The following VPS9D1 variants were observed in gnomAD, a reference collection of about 807,000 sequenced individuals.
The protein encoded by VPS9D1 is VPS9 domain-containing protein 1.
In VPS9D1, 78 loss-of-function variants were observed where a neutral mutation model predicts 75.8. The ratio of observed to expected loss-of-function variants is 1.03; its 90% confidence interval spans 0.86 to 1.24. VPS9D1 has a LOEUF of 1.24. Ranked by LOEUF, VPS9D1 falls within the 50% of genes most tolerant of loss-of-function variation. VPS9D1 has a pLI of 0.00. For missense variants in VPS9D1, 1,057 were observed against 847.7 expected, an observed-to-expected ratio of 1.25 and a Z score of -3.07; for synonymous variants, 481 against 385.6, an observed-to-expected ratio of 1.25 and a Z score of -2.90.
Position 89,710,598 on chromosome 16 carries a change from G to GGATCTCCT in VPS9D1, c.1238_1245dup (p.His416ArgfsTer7). 2.5e-6 allele frequency: 4 copies of GGATCTCCT among 1,598,518 alleles called. No individual in the cohort carries two copies. The highest frequency in any genetic ancestry group is 3.4e-6 in the Non-Finnish European group (4 of 1,168,450). ...GGCCTGGCCTCACCTACGGCATTGT[G>GGATCTCCT]GATCTCCTCCACCGCGGTCTTCAGC... On this transcript the variant is annotated frameshift_variant, in exon 10 of 15. Transcript: ENST00000389386. LOFTEE classifies it high-confidence loss of function.
At chr16:89,709,046 T>G in intron 12 of VPS9D1, 90 bp from the exon 13 acceptor site, 1 of 385,660 alleles carries the variant, frequency 2.6e-6, no homozygotes, top group East Asian at 4.8e-4. Flanking sequence ...CACCTCCTGA[T>G]GTGCACGGCT....
rs566603791 is a variant in VPS9D1 at position 89,711,183 on chromosome 16, C to T, written c.833+144G>A. On this transcript the variant is annotated intron_variant, in intron 9 of 14. Coordinates refer to ENST00000389386, the MANE Select transcript of VPS9D1 (RefSeq NM_004913.3). Reference sequence around the variant, plus strand: ...GAGGTTGGAGAAGCCGAGGAAACGCCCTCAGCGCAAAGGGAGCTGCAGTGT... The same window carrying T: ...GAGGTTGGAGAAGCCGAGGAAACGCTCTCAGCGCAAAGGGAGCTGCAGTGT... The T allele has an allele frequency of 7.8e-6, 9 of 1,155,602 alleles. No individual in the cohort carries two copies. The African/African-American group carries it at 1.1e-4, about 14-fold the overall frequency. 71.6% of individuals were successfully genotyped at this position (1,155,602 alleles called of 1,614,324 possible). A position where few individuals can be genotyped will look rare whatever the true frequency, so the allele number is the denominator to read the frequency against.
rs776055403 is a variant in VPS9D1, at chr16:89,712,519, G to A, written c.547C>T (p.Leu183Phe). ...SQAMQKTSLTLSLQRQMMENL... is the reference protein window; with the variant it reads ...SQAMQKTSLTFSLQRQMMENL... ...TCCATCATCTGCCGCTGTAGAGAGA[G>A]GGTCTGGGGGGGGAGGAGGGAGTAA... Residue 183 changes from leucine to phenylalanine, a missense_variant, in exon 6 of 15, where the codon CTC becomes TTC. By Grantham distance (22) the Leu-to-Phe change is conservative. Transcript: ENST00000389386. 3 of 1,612,140 alleles carry A rather than the reference G, an allele frequency of 1.9e-6. No homozygotes were observed. Among genetic ancestry groups the A allele is most frequent in the African/African-American group, 1.3e-5 (1 of 74,418 alleles).
intron 9 of VPS9D1, 132 bp downstream of exon 9, chr16:89,711,195 G>A: frequency 1.7e-6 from 2 of 1,177,008 alleles, no homozygotes; most frequent in South Asian, 1.5e-5. Flanking sequence ...TCAGCGCAAA[G>A]GGAGCTGCAG....
chr16:89,712,087 T>C lies in VPS9D1; in HGVS notation c.619A>G (p.Met207Val), dbSNP rs559390809. Residue 207 changes from methionine (M) to valine (V), a missense_variant, in exon 7 of 15, where the codon ATG (methionine) becomes GTG (valine). Transcript: ENST00000389386. ...TGGAGCCGCAGCCGGCGCTCCTCCA[T>C]CTTTCTCTGGAGCTGGGTGCAGAGT... is the stretch of plus-strand genomic sequence containing the variant. ...KAREETLQRKMEERRLRLQEA... is the reference protein window; with the variant it reads ...KAREETLQRKVEERRLRLQEA... 2.6e-6 allele frequency: 4 copies of C among 1,548,344 alleles called. No individual in the cohort carries two copies. In the East Asian group the frequency reaches 9.8e-5, roughly 38 times the overall value.
At chr16:89,711,119 C>T in intron 9 of VPS9D1, 109 bp from the exon 10 acceptor site, 1 of 1,274,506 alleles carries the variant, frequency 7.8e-7, no homozygotes, top group Non-Finnish European at 1.0e-6. Context: ...TACCTCCTGA[C>T]AGTGAATGTT....
chr16:89,715,714 T>C (rs1014193562), intron 4 of VPS9D1, among the ~76,000 whole-genome samples: 1 of 150,938 alleles, frequency 6.6e-6, no homozygotes, highest in Non-Finnish European at 1.5e-5. Flanking sequence ...TCACTCTTGT[T>C]GCCCAGGCTG....
intron 4 of VPS9D1, among the ~76,000 whole-genome samples, chr16:89,714,086 GACAC>G (rs112988748): frequency 0.034 from 5,159 of 152,092 alleles, 283 homozygotes; most frequent in African/African-American, 0.12. Context: ...ACAGGCATGT[GACAC>G]CACGCCCAGC....
chr16:89,714,952 C>G (rs570693081), intron 4 of VPS9D1, among the ~76,000 whole-genome samples: 60 of 152,150 alleles, frequency 3.9e-4, no homozygotes, highest in Admixed American at 2.0e-3. Flanking sequence ...CCAGGCTGGT[C>G]TTGAACTCCT....
rs1473950109 is a variant in VPS9D1, at chr16:89,716,700, C to T, written c.268+30G>A. 2.5e-6 allele frequency: 4 copies of T among 1,593,402 alleles called. No homozygotes were observed. In the South Asian group the frequency reaches 3.3e-5, roughly 13 times the overall value. ...GGAGATGCGGGCTTGGGGGATGCCC[C>T]AGGAGAGCCGCCTACTGCAGGAGAC... is the stretch of plus-strand genomic sequence containing the variant. On this transcript the variant is annotated intron_variant, in intron 3 of 14. Transcript: ENST00000389386.
chr16:89,717,527 C>T (rs746091163), intron 2 of VPS9D1: 17 of 455,192 alleles, frequency 3.7e-5, no homozygotes, highest in Admixed American at 1.4e-4. Flanking sequence ...CTCTGTGACT[C>T]GCCCCTGGAC....
rs374168803 is a variant in VPS9D1 at position 89,712,441 on chromosome 16, G to A, written c.606+19C>T. 5 of 1,612,312 alleles carry A rather than the reference G, an allele frequency of 3.1e-6. No homozygotes were observed. The African/African-American group carries it at 6.7e-5, about 22-fold the overall frequency. On this transcript the variant is annotated intron_variant, in intron 6 of 14. Coordinates refer to ENST00000389386, the MANE Select transcript of VPS9D1 (RefSeq NM_004913.3). ...CTGAGTTTCCCCTCGGGGACCACCAGGGCGGTCAGAAAGGCTGCTGTCTCC... is the reference window on the plus strand; with the variant it reads ...CTGAGTTTCCCCTCGGGGACCACCAAGGCGGTCAGAAAGGCTGCTGTCTCC...
rs187086089 is a variant in VPS9D1, at chr16:89,709,431, C to G, written c.1393G>C (p.Val465Leu). The change falls in exon 12 of 15, where the codon GTG becomes CTG. Residue 465 changes from valine (V) to leucine (L), a missense_variant. By Grantham distance (32) the Val-to-Leu change is conservative. Coordinates refer to ENST00000389386, the MANE Select transcript of VPS9D1 (RefSeq NM_004913.3). ...AGGGCAGCCTCCCGGGCTCGGTGCA[C>G]GCTCCTGGGGCAGAGAGAGGCCAGG... ...WPLLLALYRS[V>L]HRAREAALSR... 6.6e-7 allele frequency: 1 copy of G among 1,512,654 alleles called. No homozygotes were observed. The highest frequency in any genetic ancestry group is 8.8e-7 in the Non-Finnish European group (1 of 1,139,068). 93.7% of individuals were successfully genotyped at this position (1,512,654 alleles called of 1,614,324 possible).
chr16:89,719,051 G>GT lies in VPS9D1; in HGVS notation c.150dup (p.Leu51ThrfsTer8). ...CCTTTAGTGGTTTCCACTTCTTCTA[G>GT]TAACACCTGGGAGATATAGTGGATG... On this transcript the variant is annotated frameshift_variant, in exon 2 of 15. Coordinates refer to ENST00000389386, the MANE Select transcript of VPS9D1 (RefSeq NM_004913.3). LOFTEE classifies it high-confidence loss of function. The GT allele has an allele frequency of 6.2e-7, 1 of 1,613,536 alleles. No individual in the cohort carries two copies.
At position 89,710,636 on chromosome 16, in the gene VPS9D1, G is replaced by T. The variant is rs766247992; in HGVS notation, c.1208C>A (p.Pro403His). 6.2e-7 allele frequency: 1 copy of T among 1,611,044 alleles called. No individual in the cohort carries two copies. The highest frequency in any genetic ancestry group is 8.5e-7 in the Non-Finnish European group (1 of 1,178,580). Reference protein sequence around the residue: ...QGRGRGVQPEPQLQQLKTAVE... With the variant: ...QGRGRGVQPEHQLQQLKTAVE... ...CGCGGTCTTCAGCTGCTGCAGCTGG[G>T]GCTCCGGCTGTACCCCACGGCCCCG... The change falls in exon 10 of 15, where the codon CCC becomes CAC. Residue 403 changes from proline (P) to histidine (H), a missense_variant. Pro to His is a moderately conservative substitution (Grantham distance 77). Coordinates refer to ENST00000389386, the MANE Select transcript of VPS9D1 (RefSeq NM_004913.3).
chr16:89,718,151 C>A (rs969174165), intron 2 of VPS9D1: 5 of 432,140 alleles, frequency 1.2e-5, no homozygotes, highest in Non-Finnish European at 2.3e-5. Flanking sequence ...TTAATGTGTT[C>A]ATTGCGGAAC....
At chr16:89,708,665 C>T (rs2060844327) in intron 13 of VPS9D1, 134 bp from the exon 14 acceptor site, 2 of 1,145,542 alleles carry the variant, frequency 1.7e-6, no homozygotes, top group African/African-American at 3.1e-5. Context: ...CGGAAGGCAG[C>T]TGGGCATGGT....
chr16:89,709,415 T>A lies in VPS9D1; in HGVS notation c.1409A>T (p.Glu470Val), dbSNP rs760347807. ...CTCCATGCTCCTGCTCAGGGCAGCC[T>A]CCCGGGCTCGGTGCACGCTCCTGGG... ...ALYRSVHRAR[E>V]AALSRSMELY... The change falls in exon 12 of 15, where the codon GAG becomes GTG. Residue 470 changes from glutamate (E) to valine (V), a missense_variant. By Grantham distance (121) the Glu-to-Val change is moderately radical. Transcript: ENST00000389386. 6.6e-7 allele frequency: 1 copy of A among 1,517,408 alleles called. No individual in the cohort carries two copies. Among genetic ancestry groups the A allele is most frequent in the Non-Finnish European group, 8.8e-7 (1 of 1,140,342 alleles). The allele number at this position is 1,517,408 out of a possible 1,614,324, so 94.0% of individuals were successfully genotyped here.
Position 89,716,468 on chromosome 16 carries a change from C to A in VPS9D1, c.425G>T (p.Cys142Phe). 15 of 1,614,058 alleles carry A rather than the reference C, an allele frequency of 9.3e-6. No homozygotes were observed. The highest frequency in any genetic ancestry group is 1.1e-5 in the Non-Finnish European group (13 of 1,180,008). Residue 142 changes from cysteine to phenylalanine, a missense_variant, in exon 4 of 15, where the codon TGT becomes TTT. Transcript: ENST00000389386. ...QKLQGAESQS[C>F]KKELTPLEEA... ...CCCATCTTGTCCATCTTACTTCTTA[C>A]AGCTTTGTGACTCTGCCCCCTGAAG...
Sources: allele counts gnomAD v4.1 joint callset (sites outside exome capture counted in the v4.1 genomes callset), GRCh38; gene constraint gnomAD v4.1.1; transcripts MANE v1.5; gene names NCBI Gene and HGNC (gene_info 2026-07-23, HGNC 2026-07-21).